ST3GAL4: variants seen among roughly 807,000 people sequenced by gnomAD.
The protein encoded by ST3GAL4 is ST3 beta-galactoside alpha-2,3-sialyltransferase 4.
Under a neutral mutation model 42.6 loss-of-function variants are expected in ST3GAL4, and 24 were observed. The ratio of observed to expected loss-of-function variants is 0.56; its 90% confidence interval spans 0.41 to 0.79. The LOEUF (loss-of-function observed/expected upper bound fraction) is 0.79, where lower values mean the gene tolerates loss of function less well. ST3GAL4 is among the 30% of genes least tolerant of loss of function. The pLI, the probability that ST3GAL4 is intolerant of heterozygous loss-of-function variation, is 0.00. For missense variants in ST3GAL4, 311 were observed against 430.8 expected, an observed-to-expected ratio of 0.72 and a Z score of 2.46; for synonymous variants, 135 against 163.2, an observed-to-expected ratio of 0.83 and a Z score of 1.32.
rs1170742267 is a variant in ST3GAL4, at chr11:126,355,859, G to T, written c.-61+17G>T. On this transcript the variant is annotated intron_variant, in intron 1 of 10. Coordinates refer to ENST00000444328, the MANE Select transcript of ST3GAL4 (RefSeq NM_001254757.2). This position sits in a 1 kb window ranked among gnomAD's most constrained non-coding sequence, Gnocchi z 7.1. ...CCCGTGAGGGTGAGTACGCGGCGGC[G>T]GTGCGCGGGGGCCCGCGGGGCGGGG... is the stretch of plus-strand genomic sequence containing the variant. 1 of 149,208 alleles carries T rather than the reference G, an allele frequency of 6.7e-6. No individual in the cohort carries two copies. The highest frequency in any genetic ancestry group is 1.5e-5 in the Non-Finnish European group (1 of 66,896). 9.2% of individuals were successfully genotyped at this position (149,208 alleles called of 1,614,324 possible). A position where few individuals can be genotyped will look rare whatever the true frequency, so the allele number is the denominator to read the frequency against.
chr11:126,409,393 G>A lies in ST3GAL4; in HGVS notation c.753G>A (p.Gln251=), dbSNP rs1242549315. 1.2e-6 allele frequency: 2 copies of A among 1,614,130 alleles called. No individual in the cohort carries two copies. Among genetic ancestry groups the A allele is most frequent in the African/African-American group, 2.7e-5 (2 of 74,938 alleles). The change falls in exon 9 of 11, where the codon CAG becomes CAA. Residue 251 remains glutamine (Q), a synonymous_variant. Coordinates refer to ENST00000444328, the MANE Select transcript of ST3GAL4 (RefSeq NM_001254757.2). This position sits in a 1 kb window ranked among gnomAD's most constrained non-coding sequence, Gnocchi z 4.9. ...ADKLLSLPMQ[Q]PRKIKQKPTT... The stretch of plus-strand genomic sequence containing the variant: ...AACTGCTGAGCCTGCCAATGCAACA[G>A]CCACGGAAGATTAAGCAGGTGATGA...
intron 1 of ST3GAL4, among the ~76,000 whole-genome samples, chr11:126,399,550 G>A (rs113843450): frequency 0.063 from 9,612 of 151,756 alleles, 442 homozygotes; most frequent in Non-Finnish European, 0.1. Context: ...CAAATGATCC[G>A]CCCGCCTCAG....
At chr11:126,408,587 T>C in intron 8 of ST3GAL4, 91 bp downstream of exon 8, 1 of 1,460,148 alleles carries the variant, frequency 6.8e-7, no homozygotes, top group Non-Finnish European at 9.3e-7. Context: ...CGCCTGGCAG[T>C]CCTAAAGAGG....
chr11:126,375,183 TG>T (rs1952789328), intron 1 of ST3GAL4: 1 of 152,344 alleles, frequency 6.6e-6, no homozygotes, highest in Admixed American at 6.5e-5. Flanking sequence ...CATGGAAGTC[TG>T]GTGTCCATCT....
At chr11:126,374,802 A>G (rs1454788975) in intron 1 of ST3GAL4, among the ~76,000 whole-genome samples, 1 of 152,130 alleles carries the variant, frequency 6.6e-6, no homozygotes, top group Non-Finnish European at 1.5e-5. Context: ...GGCACTTGCA[A>G]TTAGCGGACC....
At chr11:126,402,328 T>C (rs1954040529) in intron 1 of ST3GAL4, among the ~76,000 whole-genome samples, 1 of 151,780 alleles carries the variant, frequency 6.6e-6, no homozygotes, top group Non-Finnish European at 1.5e-5. Context: ...TGGTGACACA[T>C]GCCTGTAGTC....
At chr11:126,404,313 A>C (rs1954135716) in intron 1 of ST3GAL4, among the ~76,000 whole-genome samples, 1 of 152,202 alleles carries the variant, frequency 6.6e-6, no homozygotes, top group African/African-American at 2.4e-5. Flanking sequence ...AGGAAACTGC[A>C]GGTCAGAGAG....
rs2135365251 is a variant in ST3GAL4, at chr11:126,359,191, G to A, written c.-61+3349G>A. ...GCGTCCTCTGCCAACTGCAGCATGGGTGAACATCTGTACATCTGTCCCCAT... is the reference window on the plus strand; with the variant it reads ...GCGTCCTCTGCCAACTGCAGCATGGATGAACATCTGTACATCTGTCCCCAT... On this transcript the variant is annotated intron_variant, in intron 1 of 10. Transcript: ENST00000444328. The surrounding 1 kb of genome is among the most constrained non-coding windows in gnomAD (Gnocchi z 4.8). 6.6e-6 allele frequency among the ~76,000 whole-genome samples: 1 copy of A among 152,160 alleles called. No homozygotes were observed. The highest frequency in any genetic ancestry group is 1.9e-4 in the East Asian group (1 of 5,180).
rs1952914246 is a variant in ST3GAL4, at chr11:126,379,119, A to G, written c.-61+23277A>G. Among the ~76,000 whole-genome samples the G allele has an allele frequency of 6.6e-6, 1 of 152,228 alleles. No homozygotes were observed. The highest frequency in any genetic ancestry group is 1.5e-5 in the Non-Finnish European group (1 of 68,044). On this transcript the variant is annotated intron_variant, in intron 1 of 10. Coordinates refer to ENST00000444328, the MANE Select transcript of ST3GAL4 (RefSeq NM_001254757.2). This position sits in a 1 kb window ranked among gnomAD's most constrained non-coding sequence, Gnocchi z 4.2. ...AGGGAAGGATACCAACCCTTTTCAT[A>G]ACGCCATTTTCCTGAATTGCTCACT...
At position 126,414,088 on chromosome 11, in the gene ST3GAL4, G is replaced by C. The variant is rs1039515058; in HGVS notation, c.*41G>C. 7 of 1,604,378 alleles carry C rather than the reference G, an allele frequency of 4.4e-6. No individual in the cohort carries two copies. Among genetic ancestry groups the C allele is most frequent in the Non-Finnish European group, 6.0e-6 (7 of 1,171,086 alleles). On this transcript the variant is annotated 3_prime_UTR_variant, in exon 11 of 11. Transcript: ENST00000444328. ...TAGCCTGTCGGTTGCCTACTCTGCT[G>C]TCTGGGTGACCCCCATGCGTGGCTG...
chr11:126,370,984 T>C (rs904659298), intron 1 of ST3GAL4, among the ~76,000 whole-genome samples: 10 of 151,434 alleles, frequency 6.6e-5, no homozygotes, highest in African/African-American at 1.2e-4. Flanking sequence ...CTTTTTTTTA[T>C]ATGAAAATAT....
rs772386231 is a variant in ST3GAL4, at chr11:126,391,733, G to A, written c.-60-14363G>A. Among the ~76,000 whole-genome samples the A allele has an allele frequency of 6.6e-6, 1 of 152,188 alleles. No individual in the cohort carries two copies. Among genetic ancestry groups the A allele is most frequent in the Non-Finnish European group, 1.5e-5 (1 of 68,034 alleles). ...TGTGATTGGGGTCGTGGTGGGGCCA[G>A]TGGCAGTGGATCTCTCTCTTTGTTG... On this transcript the variant is annotated intron_variant, in intron 1 of 10. Coordinates refer to ENST00000444328, the MANE Select transcript of ST3GAL4 (RefSeq NM_001254757.2). The surrounding 1 kb of genome is among the most constrained non-coding windows in gnomAD (Gnocchi z 5.5).
Position 126,407,018 on chromosome 11 carries a change from T to C in ST3GAL4, c.177T>C (p.Phe59=). ...CAGAGAGCAAGGCCTCTAAGCTCTTTGGCAAGTAAGTACTTAAGGATGAGG... is the reference window on the plus strand; with the variant it reads ...CAGAGAGCAAGGCCTCTAAGCTCTTCGGCAAGTAAGTACTTAAGGATGAGG... The part of the protein sequence containing the change: ...GEAESKASKL[F]GNYSRDQPIF... The change falls in exon 4 of 11, where the codon TTT becomes TTC. Residue 59 remains phenylalanine, a synonymous_variant. Coordinates refer to ENST00000444328, the MANE Select transcript of ST3GAL4 (RefSeq NM_001254757.2). 1 of 1,613,904 alleles carries C rather than the reference T, an allele frequency of 6.2e-7. No homozygotes were observed. The highest frequency in any genetic ancestry group is 8.5e-7 in the Non-Finnish European group (1 of 1,179,870).
At position 126,410,416 on chromosome 11, in the gene ST3GAL4, C is replaced by T. The variant is rs1954471466; in HGVS notation, c.771+1005C>T. On this transcript the variant is annotated intron_variant, in intron 9 of 10. Transcript: ENST00000444328. This position sits in a 1 kb window ranked among gnomAD's most constrained non-coding sequence, Gnocchi z 5.3. ...CAGGCACTAGCAGACACAGGTATGG[C>T]GCTTGGCTGTGCTGTGTACTGTGTG... Among the ~76,000 whole-genome samples, 1 of 152,142 alleles carries T rather than the reference C, an allele frequency of 6.6e-6. No homozygotes were observed. Among genetic ancestry groups the T allele is most frequent in the African/African-American group, 2.4e-5 (1 of 41,430 alleles).
At chr11:126,385,354 G>A (rs555358253) in intron 1 of ST3GAL4, among the ~76,000 whole-genome samples, 2 of 151,878 alleles carry the variant, frequency 1.3e-5, no homozygotes, top group African/African-American at 2.4e-5. Context: ...GGGTTTCACT[G>A]TGTTAGCCAG....
rs1953881582 is a variant in ST3GAL4, at chr11:126,398,718, G to A, written c.-60-7378G>A. On this transcript the variant is annotated intron_variant, in intron 1 of 10. Coordinates refer to ENST00000444328, the MANE Select transcript of ST3GAL4 (RefSeq NM_001254757.2). The surrounding 1 kb of genome is among the most constrained non-coding windows in gnomAD (Gnocchi z 4.7). ...TGTCCGCAATATCCTTTGAAATCTA[G>A]TTGGAGGGAGCCAGGCCCATAGCCC... 6.6e-6 allele frequency among the ~76,000 whole-genome samples: 1 copy of A among 152,226 alleles called. No individual in the cohort carries two copies. The highest frequency in any genetic ancestry group is 2.4e-5 in the African/African-American group (1 of 41,450).
chr11:126,382,813 G>A (rs756638205), intron 1 of ST3GAL4, among the ~76,000 whole-genome samples: 4 of 152,220 alleles, frequency 2.6e-5, no homozygotes, highest in African/African-American at 7.2e-5. Flanking sequence ...CTTGACAGGC[G>A]GGAATCTGTC....
chr11:126,395,628 C>G (rs1310436322), intron 1 of ST3GAL4, among the ~76,000 whole-genome samples: 4 of 152,054 alleles, frequency 2.6e-5, no homozygotes, highest in Admixed American at 6.5e-5. Context: ...TGGTGGTGTT[C>G]TCCCCCAAGT....
At chr11:126,403,437 G>C (rs548075879) in intron 1 of ST3GAL4, 1 of 985,356 alleles carries the variant, frequency 1.0e-6, no homozygotes, top group Non-Finnish European at 1.2e-6. Context: ...GGTGAAATGA[G>C]CTCTTTGTAG....
Sources: allele counts gnomAD v4.1 joint callset (sites outside exome capture counted in the v4.1 genomes callset), GRCh38; gene constraint gnomAD v4.1.1; non-coding constraint Gnocchi (gnomAD v3.1); transcripts MANE v1.5; gene names NCBI Gene and HGNC (gene_info 2026-07-23, HGNC 2026-07-21).